The following PRKCZ variants were observed in gnomAD, a reference collection of about 807,000 sequenced individuals.
The protein encoded by PRKCZ is protein kinase C zeta type.
PRKCZ carries 33 observed loss-of-function variants against 79.5 expected under a neutral mutation model. The observed-to-expected ratio is 0.41, with a 90% confidence interval of 0.31 to 0.55. The LOEUF (loss-of-function observed/expected upper bound fraction) is 0.55. Ranked by LOEUF, PRKCZ falls within the 20% of genes least tolerant of loss-of-function variation. PRKCZ has a pLI of 0.19. For missense variants in PRKCZ, 578 were observed against 813.5 expected (o/e 0.71, Z 3.52); for synonymous variants, 342 against 320.9 (o/e 1.07, Z -0.70).
In PRKCZ at chr1:2,132,102, T is replaced by C. The variant is rs536180372; in HGVS notation, c.335-3160T>C. Among the ~76,000 whole-genome samples, 315 of 152,292 alleles carry C rather than the reference T, an allele frequency of 2.1e-3. 1 individual carries two copies. Among genetic ancestry groups the C allele is most frequent in the African/African-American group, 7.2e-3 (300 of 41,552 alleles). ...CTGGGATTACAGGCGGGAGCCACCG[T>C]GCCTAGTATTGGGTTTGTTTGTTTG... On this transcript the variant is annotated intron_variant, in intron 4 of 17. Coordinates refer to ENST00000378567, the MANE Select transcript of PRKCZ (RefSeq NM_002744.6).
In PRKCZ at chr1:2,172,160, C is replaced by T; in HGVS notation, c.1167C>T (p.His389=). 3 of 1,613,372 alleles carry T rather than the reference C, an allele frequency of 1.9e-6. No homozygotes were observed. The highest frequency in any genetic ancestry group is 2.2e-5 in the East Asian group (1 of 44,868). ...LDNVLLDADG[H]IKLTDYGMCK... is the part of the protein sequence containing the mutation. ...ACGTCCTCCTGGATGCGGACGGGCA[C>T]ATCAAGCTCACAGACTACGGCATGT... is the stretch of plus-strand genomic sequence containing the variant. The change falls in exon 12 of 18, where the codon CAC becomes CAT. Residue 389 remains histidine (H), a synonymous_variant. Coordinates refer to ENST00000378567, the MANE Select transcript of PRKCZ (RefSeq NM_002744.6). The surrounding 1 kb of genome is among the most constrained non-coding windows in gnomAD (Gnocchi z 7.8).
chr1:2,153,561 C>T (rs1272711794), intron 9 of PRKCZ, among the ~76,000 whole-genome samples: 3 of 152,212 alleles, frequency 2.0e-5, no homozygotes, highest in Admixed American at 6.5e-5. Context: ...TGGGTGGCAG[C>T]GTCCATGCCC....
chr1:2,083,643 G>A (rs566136002), intron 4 of PRKCZ, among the ~76,000 whole-genome samples: 1 of 152,348 alleles, frequency 6.6e-6, no homozygotes, highest in Admixed American at 6.5e-5. Context: ...GTTGGGTTAA[G>A]ATTGTGAGGA....
intron 4 of PRKCZ, among the ~76,000 whole-genome samples, chr1:2,081,800 C>G (rs1663574543): frequency 6.6e-6 from 1 of 152,036 alleles, no homozygotes; most frequent in Admixed American, 6.5e-5. Flanking sequence ...TCAGGCACGC[C>G]CCCCACACCC....
At chr1:2,080,007 C>A (rs1663187895) in intron 4 of PRKCZ, among the ~76,000 whole-genome samples, 1 of 152,164 alleles carries the variant, frequency 6.6e-6, no homozygotes. Flanking sequence ...TGACTGGGAC[C>A]CTGCACAGCA....
At chr1:2,110,087 G>A (rs899974167) in intron 4 of PRKCZ, among the ~76,000 whole-genome samples, 1 of 147,256 alleles carries the variant, frequency 6.8e-6, no homozygotes, top group African/African-American at 2.5e-5. Flanking sequence ...GGATCCCAGA[G>A]GTGAGACACA....
chr1:2,057,425 C>T (rs1311128657), intron 3 of PRKCZ, among the ~76,000 whole-genome samples: 1 of 152,232 alleles, frequency 6.6e-6, no homozygotes, highest in African/African-American at 2.4e-5. Flanking sequence ...CCTTGCCAGG[C>T]GTCTGGCCAT....
intron 1 of PRKCZ, 175 bp downstream of exon 1, chr1:2,050,876 C>A (rs1659574956): frequency 2.5e-6 from 1 of 406,082 alleles, no homozygotes; most frequent in African/African-American, 2.1e-5. Context: ...CCCGCGGACA[C>A]GTCGTGGACA....
rs1284551857 is a variant in PRKCZ, at chr1:2,149,422, C to T, written c.687+498C>T. Among the ~76,000 whole-genome samples, 2 of 152,184 alleles carry T rather than the reference C, an allele frequency of 1.3e-5. No individual in the cohort carries two copies. Among genetic ancestry groups the T allele is most frequent in the Non-Finnish European group, 2.9e-5 (2 of 68,026 alleles). On this transcript the variant is annotated intron_variant, in intron 8 of 17. Coordinates refer to ENST00000378567, the MANE Select transcript of PRKCZ (RefSeq NM_002744.6). The surrounding 1 kb of genome is among the most constrained non-coding windows in gnomAD (Gnocchi z 4.1). ...GAGAAGGGAACAGAAGAGCTTGCTGCGTTCTCAGCCTCTGCTCGTAAAACC... is the reference window on the plus strand; with the variant it reads ...GAGAAGGGAACAGAAGAGCTTGCTGTGTTCTCAGCCTCTGCTCGTAAAACC...
At chr1:2,080,306 A>G (rs930230568) in intron 4 of PRKCZ, among the ~76,000 whole-genome samples, 4 of 120,674 alleles carry the variant, frequency 3.3e-5, no homozygotes, top group Non-Finnish European at 5.9e-5. Context: ...AGAGTTGGAG[A>G]AGGTCTTTAG....
chr1:2,119,987 T>C lies in PRKCZ; in HGVS notation c.335-15275T>C, dbSNP rs749858604. Reference sequence around the variant, plus strand: ...TGTGTGGGAAATGTCTTTGGCATTCTTTCTGGAGGGTGTTCTCCACTCTGT... The same window carrying C: ...TGTGTGGGAAATGTCTTTGGCATTCCTTCTGGAGGGTGTTCTCCACTCTGT... On this transcript the variant is annotated intron_variant, in intron 4 of 17. Transcript: ENST00000378567. 2.0e-3 allele frequency among the ~76,000 whole-genome samples: 298 copies of C among 152,164 alleles called. 1 individual carries two copies. Among genetic ancestry groups the C allele is most frequent in the Admixed American group, 3.7e-3 (57 of 15,286 alleles).
intron 9 of PRKCZ, among the ~76,000 whole-genome samples, chr1:2,154,589 T>C (rs1382470593): frequency 6.6e-6 from 1 of 152,166 alleles, no homozygotes; most frequent in East Asian, 1.9e-4. Context: ...TCCCAGCTCC[T>C]CTGGAGGCTG....
At position 2,059,599 on chromosome 1, in the gene PRKCZ, C is replaced by T. The variant is rs376564054; in HGVS notation, c.334+8C>T. 2 of 1,613,978 alleles carry T rather than the reference C, an allele frequency of 1.2e-6. No homozygotes were observed. Among genetic ancestry groups the T allele is most frequent in the African/African-American group, 1.3e-5 (1 of 74,932 alleles). On this transcript the variant is annotated splice_region_variant and intron_variant, in intron 4 of 17. Transcript: ENST00000378567. ...CATGTCCGGGAGAAGACAGTGAGTA[C>T]TGGGGTTTCCTACGCCGGTCTCGCA...
intron 10 of PRKCZ, chr1:2,169,107 C>T (rs928552320): frequency 2.4e-5 from 11 of 456,334 alleles, no homozygotes; most frequent in South Asian, 7.8e-5. Flanking sequence ...CCACCCCACC[C>T]GTGACCTGCG....
At chr1:2,123,631 G>A (rs796828466) in intron 4 of PRKCZ, among the ~76,000 whole-genome samples, 1 of 2,840 alleles carries the variant, frequency 3.5e-4, no homozygotes, top group African/African-American at 3.2e-3. Context: ...TCACGGCGGT[G>A]GTTAGGGTCA....
chr1:2,112,694 T>G (rs374929156), intron 4 of PRKCZ, among the ~76,000 whole-genome samples: 2 of 33,790 alleles, frequency 5.9e-5, no homozygotes, highest in South Asian at 9.0e-4. Flanking sequence ...TTGGTTGGTT[T>G]TTTTTTTTTT....
At chr1:2,122,078 A>G (rs183752255) in intron 4 of PRKCZ, among the ~76,000 whole-genome samples, 517 of 34,138 alleles carry the variant, frequency 0.015, 2 homozygotes, top group Middle Eastern at 0.042. Flanking sequence ...TCACGGTGGT[A>G]GTTAGGGTCG....
At position 2,174,781 on chromosome 1, in the gene PRKCZ, C is replaced by T; in HGVS notation, c.1433C>T (p.Pro478Leu). The T allele has an allele frequency of 6.2e-7, 1 of 1,614,144 alleles. No individual in the cohort carries two copies. The highest frequency in any genetic ancestry group is 8.5e-7 in the Non-Finnish European group (1 of 1,180,012). Residue 478 changes from proline to leucine, a missense_variant, in exon 15 of 18, where the codon CCC becomes CTC. Physicochemically the swap from Pro to Leu is moderately conservative, Grantham distance 98. Around this residue, in one of 4 missense-constraint regions of PRKCZ, gnomAD observed 243 missense variants for 467.0 expected, o/e 0.52. Coordinates refer to ENST00000378567, the MANE Select transcript of PRKCZ (RefSeq NM_002744.6). This position sits in a 1 kb window ranked among gnomAD's most constrained non-coding sequence, Gnocchi z 6.2. The stretch of plus-strand genomic sequence containing the variant: ...ATCCTGGAGAAGCCCATCCGGATCC[C>T]CCGGTTCCTGTCCGTCAAAGCCTCC... ...QVILEKPIRI[P>L]RFLSVKASHV...
intron 4 of PRKCZ, among the ~76,000 whole-genome samples, chr1:2,092,297 C>T (rs1665657538): frequency 6.6e-6 from 1 of 152,156 alleles, no homozygotes. Context: ...AGGGCAGCCC[C>T]TGCTGCTTTG....
Sources: allele counts gnomAD v4.1 joint callset (sites outside exome capture counted in the v4.1 genomes callset), GRCh38; gene constraint gnomAD v4.1.1; regional missense constraint gnomAD v4.1.1; non-coding constraint Gnocchi (gnomAD v3.1); transcripts MANE v1.5; gene names NCBI Gene and HGNC (gene_info 2026-07-23, HGNC 2026-07-21).